MEG3: variants seen among roughly 807,000 people sequenced by gnomAD.
MEG3 encodes the protein maternally expressed 3, also known as Very putative protein from MEG3 locus.
At chr14:100,848,835 T>C (rs1052773862) in intron 3 of MEG3, 1 of 151,674 alleles carries the variant, frequency 6.6e-6, no homozygotes, top group Non-Finnish European at 1.5e-5. Context: ...GAGGGAGAGA[T>C]GTAAGAAAAG....
upstream of MEG3, chr14:100,854,786 A>AT (rs766054025): frequency 2.6e-5 from 4 of 152,626 alleles, no homozygotes; most frequent in Non-Finnish European, 4.4e-5. Flanking sequence ...TCTTAGGGGA[A>AT]TTGGGTTCCC....
upstream of MEG3, chr14:100,854,178 G>T (rs1249960100): frequency 6.6e-6 from 1 of 152,236 alleles, no homozygotes; most frequent in Non-Finnish European, 1.5e-5. Context: ...ACTTAATTAA[G>T]ATATGGCTAG....
chr14:100,852,781 A>G (rs190799503), upstream of MEG3: 28 of 215,732 alleles, frequency 1.3e-4, no homozygotes, highest in Non-Finnish European at 2.5e-4. Flanking sequence ...GGAAGGAACA[A>G]GCGACGTTGG....
intron 1 of MEG3, chr14:100,860,698 A>G: frequency 2.2e-6 from 1 of 456,660 alleles, no homozygotes; most frequent in South Asian, 1.5e-5. Flanking sequence ...CAGCCTCCAC[A>G]GCCACGGGGA....
At position 100,840,960 on chromosome 14, in the gene MEG3, T is replaced by TAG. The variant is rs2037738064; in HGVS notation, n.3046-4495_3046-4494dup. On this transcript the variant is annotated intron_variant and non_coding_transcript_variant, in intron 2 of 3. Coordinates refer to the MEG3 transcript ENST00000398461. ...CTCTGGGCCTTCCTGGCAGTGGACA[T>TAG]AGAGTGATTCCCTACTCAGGAAGTT... Among the ~76,000 whole-genome samples the TAG allele has an allele frequency of 2.6e-5, 4 of 152,268 alleles. No homozygotes were observed. The South Asian group carries it at 8.3e-4, about 32-fold the overall frequency.
exon 1 of MEG3, chr14:100,857,926 A>C (rs1276245010): frequency 6.6e-6 from 1 of 152,130 alleles, no homozygotes; most frequent in Non-Finnish European, 1.5e-5. Context: ...ATTTCCTCAC[A>C]GCCCTTTTCT....
chr14:100,827,465 T>C (rs1478642456), intron 1 of MEG3: 1 of 152,144 alleles, frequency 6.6e-6, no homozygotes, highest in Non-Finnish European at 1.5e-5. Flanking sequence ...CACTGCGGAG[T>C]GGCCGCAGAG....
Position 100,826,999 on chromosome 14 carries a change from C to A in MEG3, n.372-1709C>A, listed in dbSNP as rs1209975863. Among the ~76,000 whole-genome samples the A allele has an allele frequency of 3.3e-5, 5 of 151,020 alleles. No homozygotes were observed. In the East Asian group the frequency reaches 9.9e-4, roughly 30 times the overall value. Reference sequence around the variant, plus strand: ...GGGTGGGTTGGGGAGGAGAGAAGGCCGTGTCCTTGGGTCTGGGAAGAGGGA... The same window carrying A: ...GGGTGGGTTGGGGAGGAGAGAAGGCAGTGTCCTTGGGTCTGGGAAGAGGGA... On this transcript the variant is annotated intron_variant and non_coding_transcript_variant, in intron 1 of 2. Transcript: ENST00000556407.
chr14:100,838,836 A>T (rs547108746), intron 2 of MEG3, among the ~76,000 whole-genome samples: 64 of 152,060 alleles, frequency 4.2e-4, no homozygotes, highest in Non-Finnish European at 7.7e-4. Flanking sequence ...GAAAGGAAGA[A>T]CATGACCCCT....
At chr14:100,840,083 C>T (rs970758573) in intron 2 of MEG3, among the ~76,000 whole-genome samples, 5 of 152,178 alleles carry the variant, frequency 3.3e-5, no homozygotes, top group African/African-American at 1.2e-4. Context: ...TCACTGGGGC[C>T]GCCGTGGGCC....
chr14:100,829,970 G>T (rs527982979), downstream of MEG3: 1 of 152,304 alleles, frequency 6.6e-6, no homozygotes, highest in South Asian at 2.1e-4. Flanking sequence ...CGTGAGGACT[G>T]AACTCTCTGT....
chr14:100,830,110 C>T (rs1032421551), downstream of MEG3: 4 of 152,168 alleles, frequency 2.6e-5, no homozygotes, highest in African/African-American at 9.6e-5. Context: ...CTGCCCTCAC[C>T]CCTTCTTCCC....
exon 1 of MEG3, chr14:100,834,625 TC>T: frequency 2.2e-6 from 1 of 452,218 alleles, no homozygotes; most frequent in Non-Finnish European, 4.5e-6. Context: ...TCTTTGTCCC[TC>T]CCCAGTTCCT....
chr14:100,852,238 G>T, intron 3 of MEG3: 1 of 453,212 alleles, frequency 2.2e-6, no homozygotes, highest in Non-Finnish European at 4.5e-6. Context: ...TGGCAGCAAA[G>T]TGGGGTGCTC....
chr14:100,854,714 G>A (rs7159915), upstream of MEG3: 1,700 of 152,686 alleles, frequency 0.011, 22 homozygotes, highest in Non-Finnish European at 0.014. Flanking sequence ...TCCCACCAGC[G>A]CAGTCACTCA....
chr14:100,843,970 G>A (rs2037838022), intron 2 of MEG3, among the ~76,000 whole-genome samples: 1 of 151,378 alleles, frequency 6.6e-6, no homozygotes, highest in African/African-American at 2.4e-5. Context: ...CTCCCGAGTA[G>A]CTGAGACCAT....
exon 2 of MEG3, chr14:100,860,804 C>T (rs1252817791): frequency 2.3e-6 from 1 of 432,062 alleles, no homozygotes; most frequent in African/African-American, 2.0e-5. Context: ...CTGATGGACG[C>T]CGCTGACCTG....
At chr14:100,859,214 T>A (rs2038330802) in exon 1 of MEG3, 1 of 152,168 alleles carries the variant, frequency 6.6e-6, no homozygotes, top group Non-Finnish European at 1.5e-5. Context: ...CGCATTTGTT[T>A]AAAAGGAAAG....
exon 1 of MEG3, chr14:100,834,618 T>C: frequency 2.2e-6 from 1 of 450,462 alleles, no homozygotes; most frequent in South Asian, 1.6e-5. Context: ...CTCCCTCTCT[T>C]TGTCCCTCCC....
Sources: gnomAD v4.1 joint callset for allele counts (sites outside exome capture counted in the v4.1 genomes callset) on GRCh38, gnomAD v4.1.1 for gene constraint, MANE v1.5 for transcripts, NCBI Gene and HGNC (gene_info 2026-07-23, HGNC 2026-07-21) for gene names.